CHRNA1: variants seen among roughly 807,000 people sequenced by gnomAD.
CHRNA1 encodes the protein acetylcholine receptor subunit alpha.
A neutral mutation model predicts 47.1 loss-of-function variants in CHRNA1; 35 were observed. That is an observed-to-expected ratio of 0.74 (90% CI 0.57 to 0.99). The LOEUF (loss-of-function observed/expected upper bound fraction) is 0.99. Ranked by LOEUF, CHRNA1 falls within the 50% of genes least tolerant of loss-of-function variation. The pLI, the probability that CHRNA1 is intolerant of heterozygous loss-of-function variation, is 0.00. For synonymous variants in CHRNA1, 229 were observed against 223.6 expected, an observed-to-expected ratio of 1.02 and a Z score of -0.22; for missense variants, 506 against 591.1, an observed-to-expected ratio of 0.86 and a Z score of 1.49.
chr2:174,760,506 A>C (rs1156734624), intron 1 of CHRNA1, among the ~76,000 whole-genome samples: 3 of 152,208 alleles, frequency 2.0e-5, no homozygotes, highest in African/African-American at 7.2e-5. Flanking sequence ...GAATAGGTAA[A>C]TCTATACAGA....
At chr2:174,759,161 A>T (rs1014069357) in intron 3 of CHRNA1, among the ~76,000 whole-genome samples, 170 bp downstream of exon 3, 2 of 151,908 alleles carry the variant, frequency 1.3e-5, no homozygotes, top group African/African-American at 2.4e-5. Context: ...CCTAAAGTTT[A>T]AAAAAAAGCA....
At chr2:174,760,731 C>T (rs985391523) in intron 1 of CHRNA1, among the ~76,000 whole-genome samples, 11 of 152,084 alleles carry the variant, frequency 7.2e-5, no homozygotes, top group South Asian at 2.1e-4. Flanking sequence ...TATTTTACCA[C>T]GATTTTTTAA....
rs758809206 is a variant in CHRNA1 at position 174,757,922 on chromosome 2, C to T, written c.235-247G>A. On this transcript the variant is annotated intron_variant, in intron 3 of 8. Coordinates refer to ENST00000348749, the MANE Select transcript of CHRNA1 (RefSeq NM_000079.4). ...ACTCATTTAGTCCTCACAACAATCC[C>T]GTGAGGGGAGGGTGATTACTGACCT... The T allele has an allele frequency of 2.8e-5, 37 of 1,330,184 alleles. No homozygotes were observed. The South Asian group carries it at 3.2e-4, about 12-fold the overall frequency. 82.4% of individuals were successfully genotyped at this position (1,330,184 alleles called of 1,614,324 possible).
rs1008639511 is a variant in CHRNA1, at chr2:174,759,246, G to A, written c.234+85C>T. The A allele has an allele frequency of 5.2e-6, 7 of 1,333,760 alleles. No individual in the cohort carries two copies. The African/African-American group carries it at 8.7e-5, about 17-fold the overall frequency. 82.6% of individuals were successfully genotyped at this position (1,333,760 alleles called of 1,614,324 possible). Reference sequence around the variant, plus strand: ...TTTCAACATTTTGGTATATATCCCTGTTACCCATATTGATTTCCTCTGGGC... The same window carrying A: ...TTTCAACATTTTGGTATATATCCCTATTACCCATATTGATTTCCTCTGGGC... On this transcript the variant is annotated intron_variant, in intron 3 of 8. Transcript: ENST00000348749.
At chr2:174,757,969 A>G in intron 3 of CHRNA1, 6 of 1,598,298 alleles carry the variant, frequency 3.8e-6, no homozygotes, top group Non-Finnish European at 5.1e-6. Flanking sequence ...TGAGAAAACA[A>G]AGGAACTCCC....
chr2:174,761,310 G>A (rs181649588), intron 1 of CHRNA1, among the ~76,000 whole-genome samples: 1 of 152,068 alleles, frequency 6.6e-6, no homozygotes, highest in Non-Finnish European at 1.5e-5. Context: ...TCCCCTTTCC[G>A]CAGGTTATTG....
chr2:174,758,123 TA>T, intron 3 of CHRNA1: 1 of 1,564,814 alleles, frequency 6.4e-7, no homozygotes, highest in African/African-American at 1.4e-5. Context: ...ATTATAAAAG[TA>T]AAGTCTGGGC....
At chr2:174,753,859 G>A in intron 5 of CHRNA1, 119 bp from the exon 6 acceptor site, 1 of 928,094 alleles carries the variant, frequency 1.1e-6, no homozygotes, top group Non-Finnish European at 1.7e-6. Context: ...CACCCAGGAG[G>A]GACTGTGGGA....
chr2:174,752,353 T>C (rs1018674495), intron 6 of CHRNA1, among the ~76,000 whole-genome samples: 22 of 152,184 alleles, frequency 1.4e-4, no homozygotes, highest in African/African-American at 4.3e-4. Flanking sequence ...GGCAGATCTT[T>C]GAGCCCAGGA....
intron 6 of CHRNA1, 54 bp from the exon 7 acceptor site, chr2:174,750,223 G>T: frequency 7.1e-7 from 1 of 1,402,842 alleles, no homozygotes; most frequent in Non-Finnish European, 1.0e-6. Context: ...TCTGGGTTGG[G>T]CTGCAGTGTT....
At chr2:174,763,698 C>A in intron 1 of CHRNA1, among the ~76,000 whole-genome samples, 1 of 151,428 alleles carries the variant, frequency 6.6e-6, no homozygotes. Flanking sequence ...AAATGCTGTG[C>A]AAGGTTTTAT....
intron 7 of CHRNA1, 111 bp downstream of exon 7, chr2:174,749,835 G>T (rs1683810355): frequency 2.1e-6 from 2 of 954,916 alleles, no homozygotes; most frequent in East Asian, 5.2e-5. Flanking sequence ...AGCCCAAAGA[G>T]AACTTAGTTC....
chr2:174,748,055 ATCT>A lies in CHRNA1; in HGVS notation c.*66_*68del, dbSNP rs1683766317. On this transcript the variant is annotated 3_prime_UTR_variant, in exon 9 of 9. Coordinates refer to ENST00000348749, the MANE Select transcript of CHRNA1 (RefSeq NM_000079.4). Reference sequence around the variant, plus strand: ...AAGTGCGAGTGGAGCAAGTAGACAAATCTTCCTCTCCTGCCCTTCTCTGCTCTG... The same window carrying A: ...AAGTGCGAGTGGAGCAAGTAGACAAATCCTCTCCTGCCCTTCTCTGCTCTG... 6.3e-7 allele frequency: 1 copy of A among 1,599,448 alleles called. No individual in the cohort carries two copies. The highest frequency in any genetic ancestry group is 1.1e-5 in the South Asian group (1 of 90,450).
chr2:174,763,392 C>A (rs1684133929), intron 1 of CHRNA1, among the ~76,000 whole-genome samples: 1 of 151,980 alleles, frequency 6.6e-6, no homozygotes, highest in African/African-American at 2.4e-5. Context: ...AGTCCAAATC[C>A]CACATGATAT....
chr2:174,761,035 A>C (rs1388119915), intron 1 of CHRNA1, among the ~76,000 whole-genome samples: 1 of 152,196 alleles, frequency 6.6e-6, no homozygotes. Flanking sequence ...TCATGTGACC[A>C]GTAAGGGCAA....
At chr2:174,753,174 C>G (rs1194316619) in intron 6 of CHRNA1, 3 of 570,922 alleles carry the variant, frequency 5.3e-6, no homozygotes, top group Non-Finnish European at 9.4e-6. Flanking sequence ...TCTGGGATCA[C>G]ATGCCTTACC....
intron 4 of CHRNA1, 79 bp downstream of exon 4, chr2:174,757,487 G>T: frequency 1.0e-6 from 1 of 993,830 alleles, no homozygotes; most frequent in South Asian, 1.3e-5. Context: ...GAAGCATTCC[G>T]AGCGCGCAGC....
chr2:174,755,434 T>C (rs1252242739), intron 4 of CHRNA1, among the ~76,000 whole-genome samples: 1 of 151,802 alleles, frequency 6.6e-6, no homozygotes, highest in African/African-American at 2.4e-5. Flanking sequence ...TCTTTTTTTT[T>C]TTTGAGATGG....
intron 1 of CHRNA1, among the ~76,000 whole-genome samples, chr2:174,761,945 C>T (rs895497672): frequency 1.8e-4 from 28 of 152,166 alleles, no homozygotes; most frequent in African/African-American, 6.5e-4. Context: ...CTGTTCACTC[C>T]AGTTTGACAG....
Sources: allele counts gnomAD v4.1 joint callset (sites outside exome capture counted in the v4.1 genomes callset), GRCh38; gene constraint gnomAD v4.1.1; transcripts MANE v1.5; gene names NCBI Gene and HGNC (gene_info 2026-07-23, HGNC 2026-07-21).